FAM186B: variants seen among roughly 807,000 people sequenced by gnomAD.
FAM186B encodes the protein protein FAM186B.
Under a neutral mutation model 83.4 loss-of-function variants are expected in FAM186B, and 68 were observed. That is an observed-to-expected ratio of 0.81 (90% CI 0.67 to 1.00). The LOEUF (loss-of-function observed/expected upper bound fraction) is 1.00. Ranked by LOEUF, FAM186B falls within the 50% of genes least tolerant of loss-of-function variation. The pLI is 0.00. For synonymous variants in FAM186B, 389 were observed against 422.0 expected (o/e 0.92, Z 0.96); for missense variants, 983 against 1,099.2 (o/e 0.89, Z 1.49).
In FAM186B at chr12:49,588,558, G is replaced by C; in HGVS notation, c.2430C>G (p.Cys810Trp). 1 of 1,612,316 alleles carries C rather than the reference G, an allele frequency of 6.2e-7. No homozygotes were observed. Among genetic ancestry groups the C allele is most frequent in the Non-Finnish European group, 8.5e-7 (1 of 1,179,008 alleles). Residue 810 changes from cysteine (C) to tryptophan (W), a missense_variant, in exon 6 of 7, where the codon TGC becomes TGG. Physicochemically the swap from Cys to Trp is radical, Grantham distance 215 (BLOSUM62 -2). Coordinates refer to ENST00000257894, the MANE Select transcript of FAM186B (RefSeq NM_032130.3). ...PEVTSPKPKKCKLPAASPRHI... is the reference protein window; with the variant it reads ...PEVTSPKPKKWKLPAASPRHI... ...GCCGGGGTGAGGCTGCAGGCAACTT[G>C]CATTTCTTTGGCTTTGGCGAGGTGA...
the FAM186B span, among the ~76,000 whole-genome samples, chr12:49,619,137 GA>G: frequency 6.6e-6 from 1 of 152,206 alleles, no homozygotes; most frequent in Non-Finnish European, 1.5e-5. Flanking sequence ...GGTCACAGTT[GA>G]AAAATGACAA....
chr12:49,621,001 A>G, the FAM186B span, among the ~76,000 whole-genome samples: 1 of 152,234 alleles, frequency 6.6e-6, no homozygotes, highest in Non-Finnish European at 1.5e-5. Context: ...ATAACATGGT[A>G]TATGTATTGT....
chr12:49,584,312 G>A (rs151332591), downstream of FAM186B: 699 of 572,986 alleles, frequency 1.2e-3, 5 homozygotes, highest in African/African-American at 0.012. Context: ...TTATTAAAAT[G>A]TAGAGTTTGG....
chr12:49,597,006 T>G (rs1419871728), intron 5 of FAM186B, among the ~76,000 whole-genome samples: 1 of 152,254 alleles, frequency 6.6e-6, no homozygotes, highest in Admixed American at 6.5e-5. Context: ...ATATCTTTAC[T>G]GTACTTTTTC....
chr12:49,588,696 C>G, intron 5 of FAM186B, 73 bp from the exon 6 acceptor site: 1 of 1,471,196 alleles, frequency 6.8e-7, no homozygotes, highest in Non-Finnish European at 9.1e-7. Flanking sequence ...GAGGCTTTGT[C>G]TGTTTGTTGG....
intron 5 of FAM186B, among the ~76,000 whole-genome samples, chr12:49,597,758 TAATA>T (rs1939762783): frequency 6.6e-6 from 1 of 152,160 alleles, no homozygotes; most frequent in Admixed American, 6.6e-5. Flanking sequence ...TTTAAATAAA[TAATA>T]AATAATAAAA....
chr12:49,599,339 A>G, intron 4 of FAM186B, 130 bp downstream of exon 4: 1 of 1,374,134 alleles, frequency 7.3e-7, no homozygotes, highest in South Asian at 2.0e-5. Flanking sequence ...CCCACTCAGG[A>G]GACCCTGTCC....
rs1424917125 is a variant in FAM186B at position 49,600,659 on chromosome 12, C to T, written c.981G>A (p.Gln327=). ...QLKKAQNATG[Q]AEDLAEVSVD... is the part of the protein sequence containing the mutation. ...CAGAAACCTCAGCCAGGTCTTCTGC[C>T]TGACCTGTAGCATTCTGAGCCTTCT... Residue 327 remains glutamine (Q), a synonymous_variant, in exon 4 of 7, where the codon CAG becomes CAA. Coordinates refer to ENST00000257894, the MANE Select transcript of FAM186B (RefSeq NM_032130.3). This position sits in a 1 kb window ranked among gnomAD's most constrained non-coding sequence, Gnocchi z 4.3. The T allele has an allele frequency of 6.2e-7, 1 of 1,614,104 alleles. No homozygotes were observed.
At chr12:49,598,518 C>T (rs545879808) in intron 5 of FAM186B, among the ~76,000 whole-genome samples, 1 of 152,326 alleles carries the variant, frequency 6.6e-6, no homozygotes, top group East Asian at 1.9e-4. Flanking sequence ...ACATCTCTCT[C>T]TCTCTGGGTT....
chr12:49,585,893 C>T (rs539631939), downstream of FAM186B, among the ~76,000 whole-genome samples: 21 of 152,334 alleles, frequency 1.4e-4, no homozygotes, highest in South Asian at 4.3e-3. Context: ...CGGCCACCAC[C>T]CTGAGGTAGC....
At chr12:49,605,117 G>T (rs1939982440) in intron 1 of FAM186B, 3 of 1,237,812 alleles carry the variant, frequency 2.4e-6, no homozygotes, top group South Asian at 3.3e-5. Flanking sequence ...ACACCACCAC[G>T]ATGTGCCTCA....
At chr12:49,590,390 G>A (rs1939556390) in intron 5 of FAM186B, among the ~76,000 whole-genome samples, 2 of 152,298 alleles carry the variant, frequency 1.3e-5, no homozygotes, top group Non-Finnish European at 2.9e-5. Context: ...GATTATGAGT[G>A]ACCCAATTAA....
chr12:49,592,905 G>C (rs1296909456), intron 5 of FAM186B, among the ~76,000 whole-genome samples: 1 of 152,080 alleles, frequency 6.6e-6, no homozygotes, highest in Admixed American at 6.6e-5. Context: ...CAGGAAAAGA[G>C]GGAAAAAAAC....
Position 49,587,589 on chromosome 12 carries a change from T to G in FAM186B, c.*16A>C. On this transcript the variant is annotated 3_prime_UTR_variant, in exon 7 of 7. Coordinates refer to ENST00000257894, the MANE Select transcript of FAM186B (RefSeq NM_032130.3). ...TACTGGGCCTTCAGGAAGTTCAGGC[T>G]TTTGTGGCAGGAGGACTACACGTCC... 1 of 1,614,094 alleles carries G rather than the reference T, an allele frequency of 6.2e-7. No individual in the cohort carries two copies. Among genetic ancestry groups the G allele is most frequent in the Non-Finnish European group, 8.5e-7 (1 of 1,179,996 alleles).
At chr12:49,598,974 G>A (rs770922378) in intron 4 of FAM186B, 27 bp from the exon 5 acceptor site, 10 of 1,608,244 alleles carry the variant, frequency 6.2e-6, no homozygotes, top group African/African-American at 4.0e-5. Flanking sequence ...AGCAATTTAG[G>A]GGGTGGAGAG....
intron 5 of FAM186B, among the ~76,000 whole-genome samples, chr12:49,592,694 G>A (rs1463306608): frequency 6.6e-6 from 1 of 152,176 alleles, no homozygotes; most frequent in Admixed American, 6.5e-5. Context: ...GCTGAGGCAT[G>A]AGAATCGCTT....
chr12:49,614,535 T>TA, the FAM186B span, among the ~76,000 whole-genome samples: 1 of 152,134 alleles, frequency 6.6e-6, no homozygotes, highest in South Asian at 2.1e-4. Flanking sequence ...ATTGGGTACT[T>TA]ATGGCCAGAA....
upstream of FAM186B, among the ~76,000 whole-genome samples, chr12:49,609,785 G>C (rs1940065029): frequency 6.6e-6 from 1 of 152,174 alleles, no homozygotes; most frequent in Non-Finnish European, 1.5e-5. Context: ...CTTGGTGTTG[G>C]TGCTGTGCCT....
downstream of FAM186B, chr12:49,584,725 C>T (rs1939404364): frequency 3.0e-6 from 2 of 667,898 alleles, no homozygotes. Context: ...AGAGCTGAGC[C>T]CAGACTCAGC....
Sources: gnomAD v4.1 joint callset for allele counts (sites outside exome capture counted in the v4.1 genomes callset) on GRCh38, gnomAD v4.1.1 for gene constraint, Gnocchi (gnomAD v3.1) non-coding constraint, MANE v1.5 for transcripts, NCBI Gene and HGNC (gene_info 2026-07-23, HGNC 2026-07-21) for gene names.